The following USP40 variants were observed in gnomAD, a reference collection of about 807,000 sequenced individuals.
USP40 encodes the protein ubiquitin specific peptidase 40, also known as ubiquitin carboxyl-terminal hydrolase 40.
USP40 carries 143 observed loss-of-function variants against 166.2 expected under a neutral mutation model. The observed-to-expected ratio is 0.86, with a 90% CI of 0.75 to 0.99. The LOEUF is 0.99. USP40 is among the 50% of genes least tolerant of loss of function. The probability of loss-of-function intolerance (pLI) is 0.00; values close to 1 mark genes in which losing one functional copy is unlikely to be tolerated. For synonymous variants in USP40, 498 were observed against 524.0 expected (o/e 0.95, Z 0.68); for missense variants, 1,444 against 1,479.7 (o/e 0.98, Z 0.40).
Position 233,477,340 on chromosome 2 carries a change from T to C in USP40, c.*52A>G. 4 of 1,565,396 alleles carry C rather than the reference T, an allele frequency of 2.6e-6. No homozygotes were observed. In the Admixed American group the frequency reaches 6.9e-5, roughly 27 times the overall value. The stretch of plus-strand genomic sequence containing the variant: ...GTCCCCATGCCCAGGAAACCCACGT[T>C]TGTGGCATCAGCCGGAGAGTTCATC... On this transcript the variant is annotated 3_prime_UTR_variant, in exon 32 of 32. Transcript: ENST00000678225.
chr2:233,509,431 A>C (rs1260682657), intron 21 of USP40, among the ~76,000 whole-genome samples: 1 of 152,218 alleles, frequency 6.6e-6, no homozygotes. Context: ...TATTGGTAGG[A>C]TAAAGAATAA....
intron 21 of USP40, among the ~76,000 whole-genome samples, chr2:233,509,697 T>G (rs1575258922): frequency 6.6e-6 from 1 of 151,634 alleles, no homozygotes; most frequent in Non-Finnish European, 1.5e-5. Context: ...AAAAATTAGC[T>G]GGGTGTGGTA....
Position 233,486,114 on chromosome 2 carries a change from G to T in USP40, c.3198-137C>A. The T allele has an allele frequency of 3.3e-6, 3 of 917,626 alleles. No homozygotes were observed. The highest frequency in any genetic ancestry group is 4.8e-6 in the Non-Finnish European group (3 of 619,628). The allele number at this position is 917,626 out of a possible 1,614,324, so 56.8% of individuals were successfully genotyped here. A position where few individuals can be genotyped will look rare whatever the true frequency, so the allele number is the denominator to read the frequency against. ...AGAGATTTTTCCCTAAATGCTGGAT[G>T]CTAGTGGCAAACTCTTATTCCGCAT... is the stretch of plus-strand genomic sequence containing the variant. On this transcript the variant is annotated intron_variant, in intron 28 of 31. Coordinates refer to ENST00000678225, the MANE Select transcript of USP40 (RefSeq NM_001365479.2). This position sits in a 1 kb window ranked among gnomAD's most constrained non-coding sequence, Gnocchi z 4.0.
intron 23 of USP40, among the ~76,000 whole-genome samples, chr2:233,497,580 A>C (rs1374940948): frequency 6.6e-6 from 1 of 152,220 alleles, no homozygotes; most frequent in Non-Finnish European, 1.5e-5. Context: ...GATGGGAAAG[A>C]TACCTGGCAA....
chr2:233,528,582 A>T (rs1474879136), intron 12 of USP40, among the ~76,000 whole-genome samples: 1 of 152,068 alleles, frequency 6.6e-6, no homozygotes, highest in East Asian at 1.9e-4. Flanking sequence ...TTATTTTTTT[A>T]AAATAACAAC....
At position 233,475,884 on chromosome 2, in the gene USP40, T is replaced by TA. The variant is rs1209894889; in HGVS notation, c.*1507dup. On this transcript the variant is annotated 3_prime_UTR_variant, in exon 32 of 32. Transcript: ENST00000678225. ...TGGGCGCCCAGCTCGTCACGACACT[T>TA]ACAGCTCTGGCGTCATCAGAAGCCT... The TA allele has an allele frequency of 1.3e-5, 2 of 152,412 alleles. No homozygotes were observed. The highest frequency in any genetic ancestry group is 6.5e-5 in the Admixed American group (1 of 15,286). The allele number at this position is 152,412 out of a possible 1,614,324, so 9.4% of individuals were successfully genotyped here. A position where few individuals can be genotyped will look rare whatever the true frequency, so the allele number is the denominator to read the frequency against.
chr2:233,501,495 G>A (rs2066067686), intron 21 of USP40, among the ~76,000 whole-genome samples: 1 of 152,184 alleles, frequency 6.6e-6, no homozygotes, highest in African/African-American at 2.4e-5. Flanking sequence ...CCTGGGAAGT[G>A]CAAGGCTATA....
intron 22 of USP40, among the ~76,000 whole-genome samples, 170 bp downstream of exon 22, chr2:233,499,709 G>T (rs1443336230): frequency 1.3e-5 from 2 of 152,012 alleles, no homozygotes; most frequent in Non-Finnish European, 2.9e-5. Context: ...TTTTCTTTCA[G>T]CATGCCAACA....
At chr2:233,490,606 A>C (rs568226925) in intron 26 of USP40, among the ~76,000 whole-genome samples, 20 of 152,372 alleles carry the variant, frequency 1.3e-4, no homozygotes, top group African/African-American at 4.3e-4. Flanking sequence ...ATTTCAGTCC[A>C]ACAGTAGGCG....
chr2:233,499,146 C>T (rs1163659517), intron 22 of USP40, among the ~76,000 whole-genome samples: 1 of 151,578 alleles, frequency 6.6e-6, no homozygotes, highest in African/African-American at 2.4e-5. Context: ...GATGCTCTCC[C>T]TCCCCCACTC....
intron 15 of USP40, 98 bp downstream of exon 15, chr2:233,524,394 T>G: frequency 9.8e-7 from 1 of 1,018,106 alleles, no homozygotes; most frequent in South Asian, 1.7e-5. Flanking sequence ...CCTCCCAAAG[T>G]GCTGGGATTA....
In USP40 at chr2:233,533,621, G is replaced by T; in HGVS notation, c.1329C>A (p.Ser443Arg). 6.2e-7 allele frequency: 1 copy of T among 1,613,828 alleles called. No homozygotes were observed. The highest frequency in any genetic ancestry group is 2.2e-5 in the East Asian group (1 of 44,862). Reference protein sequence around the residue: ...LPPESPGLNNSISCPHWFDIN... With the variant: ...LPPESPGLNNRISCPHWFDIN... ...TATCAAACCAGTGGGGACAGGAGAT[G>T]CTATTGTTTAAACCTGGGGATTCTG... The change falls in exon 11 of 32, where the codon AGC becomes AGA. Residue 443 changes from serine (S) to arginine (R), a missense_variant. By Grantham distance (110) the Ser-to-Arg change is moderately radical. Coordinates refer to ENST00000678225, the MANE Select transcript of USP40 (RefSeq NM_001365479.2).
At position 233,497,903 on chromosome 2, in the gene USP40, C is replaced by G. The variant is rs143380490; in HGVS notation, c.2715+645G>C. ...CTTCTGCTGGCATTCAGTGCCCCTT[C>G]TTAAAGAACAGGAAGTAGGCAGGTG... On this transcript the variant is annotated intron_variant, in intron 23 of 31. Transcript: ENST00000678225. 1.7e-3 allele frequency among the ~76,000 whole-genome samples: 265 copies of G among 152,308 alleles called. 4 individuals are homozygous for G. The highest frequency in any genetic ancestry group is 5.8e-3 in the African/African-American group (240 of 41,582).
At chr2:233,534,371 G>C (rs1267470938) in intron 10 of USP40, among the ~76,000 whole-genome samples, 1 of 152,140 alleles carries the variant, frequency 6.6e-6, no homozygotes, top group African/African-American at 2.4e-5. Context: ...TCCATTGCCT[G>C]TCTCTACCTC....
chr2:233,565,311 G>C, intron 2 of USP40, 45 bp downstream of exon 2: 1 of 1,375,054 alleles, frequency 7.3e-7, no homozygotes, highest in East Asian at 2.5e-5. Context: ...TACATGTAAA[G>C]AAGATGGTAC....
At chr2:233,527,638 T>C (rs1316696656) in intron 12 of USP40, 60 bp from the exon 13 acceptor site, 6 of 1,385,008 alleles carry the variant, frequency 4.3e-6, no homozygotes, top group Non-Finnish European at 5.7e-6. Context: ...CTGTGTTTTA[T>C]CTCAAACCAA....
intron 30 of USP40, chr2:233,481,553 G>T (rs1287974153): frequency 4.0e-6 from 2 of 500,580 alleles, no homozygotes; most frequent in East Asian, 7.2e-5. Context: ...TCCACTGCGA[G>T]TGGCCAAACA....
chr2:233,556,858 C>T lies in USP40; in HGVS notation c.543G>A (p.Arg181=). The T allele has an allele frequency of 1.2e-6, 2 of 1,606,642 alleles. No individual in the cohort carries two copies. Among genetic ancestry groups the T allele is most frequent in the African/African-American group, 1.3e-5 (1 of 74,672 alleles). Residue 181 remains arginine, a synonymous_variant, in exon 5 of 32, where the codon AGG becomes AGA. Transcript: ENST00000678225. ...TAAAATACTCTGGCATATTTACCTG[C>T]CTCTCGCTAACGTTCTTACATTCTT... The part of the protein sequence containing the change: ...VCKECKNVSE[R]QEDFLDLTVA...
At chr2:233,521,242 G>A (rs1484203923) in intron 16 of USP40, 128 bp from the exon 17 acceptor site, 3 of 1,031,516 alleles carry the variant, frequency 2.9e-6, no homozygotes, top group Non-Finnish European at 4.0e-6. Flanking sequence ...TCTATGATAA[G>A]TGGGCTACCT....
Sources: allele counts gnomAD v4.1 joint callset (sites outside exome capture counted in the v4.1 genomes callset), GRCh38; gene constraint gnomAD v4.1.1; non-coding constraint Gnocchi (gnomAD v3.1); transcripts MANE v1.5; gene names NCBI Gene and HGNC (gene_info 2026-07-23, HGNC 2026-07-21).